CNTN3: variants seen among roughly 807,000 people sequenced by gnomAD.
CNTN3 encodes the protein contactin-3.
Under a neutral mutation model 119.1 loss-of-function variants are expected in CNTN3, and 60 were observed. That is an observed-to-expected ratio of 0.50 (90% CI 0.41 to 0.62). The LOEUF (loss-of-function observed/expected upper bound fraction) is 0.62. CNTN3 is among the 20% of genes least tolerant of loss of function. CNTN3 has a pLI of 0.00. For missense variants in CNTN3, 1,101 were observed against 1,242.4 expected (o/e 0.89, Z 1.71); for synonymous variants, 450 against 438.7 (o/e 1.03, Z -0.32).
intron 19 of CNTN3, among the ~76,000 whole-genome samples, chr3:74,291,143 T>A (rs374465113): frequency 3.3e-5 from 5 of 151,566 alleles, no homozygotes; most frequent in East Asian, 3.9e-4. Context: ...AGTGAGAACA[T>A]GTGGTGTTTG....
chr3:74,456,033 A>C (rs1702262403), intron 4 of CNTN3, among the ~76,000 whole-genome samples: 2 of 152,100 alleles, frequency 1.3e-5, no homozygotes, highest in South Asian at 4.1e-4. Flanking sequence ...AGATGCCCTA[A>C]AACAGAATAA....
At chr3:74,433,989 T>C (rs1309260875) in intron 4 of CNTN3, among the ~76,000 whole-genome samples, 4 of 152,202 alleles carry the variant, frequency 2.6e-5, no homozygotes, top group Non-Finnish European at 5.9e-5. Context: ...TCAAAGAATG[T>C]CTGAAATAAG....
intron 20 of CNTN3, among the ~76,000 whole-genome samples, chr3:74,280,727 G>C (rs1701988094): frequency 6.6e-6 from 1 of 152,226 alleles, no homozygotes; most frequent in Non-Finnish European, 1.5e-5. Flanking sequence ...TGGGAAGAGA[G>C]CAATGATCAA....
intron 1 of CNTN3, among the ~76,000 whole-genome samples, chr3:74,579,781 T>C (rs1704474444): frequency 6.6e-6 from 1 of 152,272 alleles, no homozygotes; most frequent in Non-Finnish European, 1.5e-5. Flanking sequence ...AAGAAGTTTA[T>C]AGTTTAAACT....
At chr3:74,559,269 C>T (rs964255309) in intron 1 of CNTN3, among the ~76,000 whole-genome samples, 2 of 152,046 alleles carry the variant, frequency 1.3e-5, no homozygotes, top group African/African-American at 4.8e-5. Context: ...CTTTCTGCTC[C>T]AAAAAGCTGT....
intron 13 of CNTN3, among the ~76,000 whole-genome samples, chr3:74,324,958 T>C (rs1440900178): frequency 1.3e-5 from 2 of 152,178 alleles, no homozygotes; most frequent in African/African-American, 4.8e-5. Context: ...AGAATTCTCT[T>C]CAAAGGACAC....
At chr3:74,445,319 G>A (rs1028653435) in intron 4 of CNTN3, among the ~76,000 whole-genome samples, 2 of 152,008 alleles carry the variant, frequency 1.3e-5, no homozygotes, top group African/African-American at 4.8e-5. Flanking sequence ...CTGGAGTGCA[G>A]TGGTGGGATC....
intron 1 of CNTN3, among the ~76,000 whole-genome samples, chr3:74,602,868 T>C (rs1704934166): frequency 6.6e-6 from 1 of 152,172 alleles, no homozygotes; most frequent in African/African-American, 2.4e-5. Context: ...AAGTCTCTTG[T>C]GTTTCTGCCC....
intron 5 of CNTN3, among the ~76,000 whole-genome samples, chr3:74,382,597 G>A (rs1173404679): frequency 6.6e-6 from 1 of 152,072 alleles, no homozygotes; most frequent in Non-Finnish European, 1.5e-5. Flanking sequence ...TAGATGCCAA[G>A]TGTAAGTGAG....
intron 17 of CNTN3, 31 bp from the exon 18 acceptor site, chr3:74,298,222 TACAC>T: frequency 2.1e-6 from 3 of 1,449,558 alleles, no homozygotes; most frequent in Non-Finnish European, 2.8e-6. Flanking sequence ...GAATCACCCT[TACAC>T]ATAAGGGCAA....
intron 5 of CNTN3, among the ~76,000 whole-genome samples, chr3:74,389,831 T>A (rs144059628): frequency 9.0e-4 from 137 of 152,212 alleles, no homozygotes; most frequent in East Asian, 6.0e-3. Flanking sequence ...CAAGCTCTAT[T>A]CCATATGCCA....
At chr3:74,517,501 G>A (rs544307437) in intron 2 of CNTN3, among the ~76,000 whole-genome samples, 11 of 152,010 alleles carry the variant, frequency 7.2e-5, no homozygotes, top group Non-Finnish European at 1.6e-4. Context: ...GTATACATGT[G>A]TACATGTCAG....
intron 2 of CNTN3, among the ~76,000 whole-genome samples, chr3:74,506,231 G>T (rs1703256540): frequency 6.6e-6 from 1 of 152,122 alleles, no homozygotes; most frequent in African/African-American, 2.4e-5. Context: ...TGATTTAAAG[G>T]TATGATCTAT....
At chr3:74,396,506 G>C (rs1330915249) in intron 5 of CNTN3, among the ~76,000 whole-genome samples, 1 of 152,078 alleles carries the variant, frequency 6.6e-6, no homozygotes, top group African/African-American at 2.4e-5. Context: ...CAGTACTTTG[G>C]GAGGCCGAGG....
chr3:74,607,190 T>C (rs1042490533), intron 1 of CNTN3, among the ~76,000 whole-genome samples: 2 of 138,408 alleles, frequency 1.4e-5, no homozygotes, highest in African/African-American at 5.6e-5. Context: ...ACAGCCGACT[T>C]TGGTACAAAT....
chr3:74,576,807 T>C (rs1255381980), intron 1 of CNTN3, among the ~76,000 whole-genome samples: 1 of 152,148 alleles, frequency 6.6e-6, no homozygotes, highest in Non-Finnish European at 1.5e-5. Flanking sequence ...TGCATGTTTT[T>C]CTAAAAATAA....
At chr3:74,391,804 C>G (rs536145503) in intron 5 of CNTN3, among the ~76,000 whole-genome samples, 1 of 152,078 alleles carries the variant, frequency 6.6e-6, no homozygotes, top group African/African-American at 2.4e-5. Flanking sequence ...ACTACGTTCG[C>G]GTGCCACCAC....
Position 74,447,151 on chromosome 3 carries a change from G to A in CNTN3, c.359-22211C>T, listed in dbSNP as rs575763542. Among the ~76,000 whole-genome samples, 30 of 152,282 alleles carry A rather than the reference G, an allele frequency of 2.0e-4. No homozygotes were observed. The South Asian group carries it at 5.8e-3, about 29-fold the overall frequency. The stretch of plus-strand genomic sequence containing the variant: ...ATGTAGTATTGCAAGGCTGGTGACA[G>A]TGGGGAACCATCACCATACTTAGGC... On this transcript the variant is annotated intron_variant, in intron 4 of 22. Transcript: ENST00000263665.
rs540347896 is a variant in CNTN3, at chr3:74,579,339, T to C, written c.-81+35052A>G. ...TTAAAAGCACTCTTTCAGTTATGAA[T>C]ACAACAAGCAGATCCCACCCCCCTC... On this transcript the variant is annotated intron_variant, in intron 1 of 22. Transcript: ENST00000263665. Among the ~76,000 whole-genome samples the C allele has an allele frequency of 8.1e-5, 12 of 148,406 alleles. No individual in the cohort carries two copies. The Middle Eastern group carries it at 0.011, about 133-fold the overall frequency.
Sources: allele counts gnomAD v4.1 joint callset (sites outside exome capture counted in the v4.1 genomes callset), GRCh38; gene constraint gnomAD v4.1.1; transcripts MANE v1.5; gene names NCBI Gene and HGNC (gene_info 2026-07-23, HGNC 2026-07-21).